The following FKBP1B variants were observed in gnomAD, a reference collection of about 807,000 sequenced individuals.
FKBP1B encodes FKBP prolyl isomerase 1B, also known as peptidyl-prolyl cis-trans isomerase FKBP1B.
Under a neutral mutation model 13.5 loss-of-function variants are expected in FKBP1B, and 4 were observed. The observed-to-expected ratio is 0.30, with a 90% CI of 0.15 to 0.68. The LOEUF is 0.68. Among genes scored for constraint, FKBP1B ranks in the 30% least tolerant of loss-of-function variants. FKBP1B has a pLI of 0.76. For missense variants in FKBP1B, 93 were observed against 136.2 expected (o/e 0.68, Z 1.58); for synonymous variants, 54 against 53.6 (o/e 1.01, Z -0.03).
At chr2:24,044,268 T>A in the FKBP1B span, among the ~76,000 whole-genome samples, 14 of 151,786 alleles carry the variant, frequency 9.2e-5, no homozygotes, top group Admixed American at 3.3e-4. Context: ...TTACTGAGGT[T>A]TTTTTTTGGG....
At chr2:24,041,967 A>C in the FKBP1B span, among the ~76,000 whole-genome samples, 1 of 152,188 alleles carries the variant, frequency 6.6e-6, no homozygotes, top group African/African-American at 2.4e-5. Flanking sequence ...TAAACATAAA[A>C]AATACTATTT....
intron 2 of FKBP1B, among the ~76,000 whole-genome samples, chr2:24,058,890 C>CCT (rs1328611289): frequency 6.6e-6 from 1 of 152,156 alleles, no homozygotes; most frequent in Non-Finnish European, 1.5e-5. Context: ...TTCTTCTTTG[C>CCT]CTCAGTTAGT....
intron 3 of FKBP1B, among the ~76,000 whole-genome samples, chr2:24,062,096 C>T (rs1440784406): frequency 6.6e-6 from 1 of 152,122 alleles, no homozygotes; most frequent in Non-Finnish European, 1.5e-5. Context: ...TGGTCTCGGT[C>T]TCCTGACCTC....
At chr2:24,055,851 A>G (rs1664099712) in intron 2 of FKBP1B, among the ~76,000 whole-genome samples, 1 of 152,102 alleles carries the variant, frequency 6.6e-6, no homozygotes, top group Non-Finnish European at 1.5e-5. Context: ...GAAGTGGGGT[A>G]CCTCCTGGGC....
chr2:24,033,212 A>G, the FKBP1B span: 108 of 550,936 alleles, frequency 2.0e-4, 1 homozygote, highest in South Asian at 1.6e-3. Flanking sequence ...ACAACTAATA[A>G]CACTAAAAGG....
rs562827516 is a variant in FKBP1B, at chr2:24,050,153, C to T, written c.37+267C>T. ...GGCGGGGGTCTGCGGCCCGCCACCG[C>T]CCCGGGCTTCTCCTGTCGCGGCTGC... is the stretch of plus-strand genomic sequence containing the variant. On this transcript the variant is annotated intron_variant, in intron 1 of 3. Coordinates refer to ENST00000380986, the MANE Select transcript of FKBP1B (RefSeq NM_004116.5). The surrounding 1 kb of genome is among the most constrained non-coding windows in gnomAD (Gnocchi z 5.8). Among the ~76,000 whole-genome samples the T allele has an allele frequency of 1.6e-4, 25 of 152,266 alleles. No homozygotes were observed. Among genetic ancestry groups the T allele is most frequent in the South Asian group, 1.4e-3 (7 of 4,832 alleles).
chr2:24,055,535 C>T (rs1664087285), intron 2 of FKBP1B, among the ~76,000 whole-genome samples: 1 of 152,122 alleles, frequency 6.6e-6, no homozygotes, highest in Admixed American at 6.5e-5. Context: ...CTTTTGTCTC[C>T]ATGGATTGGT....
chr2:24,035,938 A>G, the FKBP1B span, among the ~76,000 whole-genome samples: 1 of 151,118 alleles, frequency 6.6e-6, no homozygotes, highest in East Asian at 1.9e-4. Flanking sequence ...GTGTGGTGGC[A>G]CGTGCCTGTA....
chr2:24,049,067 G>A (rs563168764), upstream of FKBP1B, among the ~76,000 whole-genome samples: 1 of 152,282 alleles, frequency 6.6e-6, no homozygotes, highest in Non-Finnish European at 1.5e-5. Flanking sequence ...ACAGATCCAG[G>A]ACGCCTAGCG....
intron 1 of FKBP1B, among the ~76,000 whole-genome samples, chr2:24,053,347 T>C (rs1423401035): frequency 6.7e-6 from 1 of 149,192 alleles, no homozygotes; most frequent in Admixed American, 6.7e-5. Context: ...CAGGGTGATC[T>C]AGAACTCCTG....
intron 3 of FKBP1B, among the ~76,000 whole-genome samples, chr2:24,062,364 A>T (rs1053706490): frequency 2.0e-5 from 3 of 152,084 alleles, no homozygotes; most frequent in Non-Finnish European, 2.9e-5. Context: ...TTTTTAGTAC[A>T]GACGGGGTCT....
At chr2:24,057,172 T>C (rs1664164506) in intron 2 of FKBP1B, among the ~76,000 whole-genome samples, 2 of 152,096 alleles carry the variant, frequency 1.3e-5, no homozygotes, top group African/African-American at 4.8e-5. Flanking sequence ...TTTCTTTCTT[T>C]TTAAAATTTT....
intron 2 of FKBP1B, among the ~76,000 whole-genome samples, chr2:24,056,024 A>G (rs937815138): frequency 1.3e-5 from 2 of 152,048 alleles, no homozygotes; most frequent in Admixed American, 1.3e-4. Context: ...GACAGAGTCT[A>G]TGTTGCCCAG....
At chr2:24,044,587 G>T in the FKBP1B span, among the ~76,000 whole-genome samples, 1 of 152,228 alleles carries the variant, frequency 6.6e-6, no homozygotes, top group Non-Finnish European at 1.5e-5. Flanking sequence ...GTTTTTAGAA[G>T]AATGAATTTT....
the FKBP1B span, chr2:24,038,221 C>T: frequency 3.7e-6 from 6 of 1,614,162 alleles, no homozygotes; most frequent in Non-Finnish European, 5.1e-6. Context: ...AACAATCAAG[C>T]TAATGGCATA....
chr2:24,050,035 T>G lies in FKBP1B; in HGVS notation c.37+149T>G. Reference sequence around the variant, plus strand: ...AGGCGGAGACGCCGGACGGGATTCTTGGGGGTCTAGGAGACCATCCTCCGC... The same window carrying G: ...AGGCGGAGACGCCGGACGGGATTCTGGGGGGTCTAGGAGACCATCCTCCGC... On this transcript the variant is annotated intron_variant, in intron 1 of 3. Coordinates refer to ENST00000380986, the MANE Select transcript of FKBP1B (RefSeq NM_004116.5). This position sits in a 1 kb window ranked among gnomAD's most constrained non-coding sequence, Gnocchi z 5.8. 1 of 529,786 alleles carries G rather than the reference T, an allele frequency of 1.9e-6. No individual in the cohort carries two copies. Among genetic ancestry groups the G allele is most frequent in the Non-Finnish European group, 2.9e-6 (1 of 341,204 alleles). 32.8% of individuals were successfully genotyped at this position (529,786 alleles called of 1,614,324 possible).
the FKBP1B span, chr2:24,038,315 A>G: frequency 1.2e-6 from 2 of 1,614,240 alleles, no homozygotes; most frequent in Non-Finnish European, 8.5e-7. Flanking sequence ...TGGTCTGTCA[A>G]GAAACATATC....
At chr2:24,049,641 C>G (rs942653396), upstream of FKBP1B, 1 of 378,362 alleles carries the variant, frequency 2.6e-6, no homozygotes, top group Non-Finnish European at 4.7e-6. Context: ...GGCCCCGCCC[C>G]GGCCGACCCC....
At chr2:24,034,755 G>A in the FKBP1B span, among the ~76,000 whole-genome samples, 2 of 151,632 alleles carry the variant, frequency 1.3e-5, no homozygotes, top group Admixed American at 6.6e-5. Flanking sequence ...TGTATTTTTC[G>A]GTAGAGACAG....
Sources: allele counts gnomAD v4.1 joint callset (sites outside exome capture counted in the v4.1 genomes callset), GRCh38; gene constraint gnomAD v4.1.1; non-coding constraint Gnocchi (gnomAD v3.1); transcripts MANE v1.5; gene names NCBI Gene and HGNC (gene_info 2026-07-23, HGNC 2026-07-21).